The following ECM1 variants were observed in gnomAD, a reference collection of about 807,000 sequenced individuals.
ECM1 encodes extracellular matrix protein 1.
ECM1 carries 54 observed loss-of-function variants against 57.9 expected under a neutral mutation model. The ratio of observed to expected loss-of-function variants is 0.93; its 90% CI spans 0.75 to 1.17. ECM1 has a LOEUF of 1.17. Among genes scored for constraint, ECM1 ranks in the 50% most tolerant of loss-of-function variants. ECM1 has a pLI of 0.00. For synonymous variants in ECM1, 237 were observed against 259.1 expected, an observed-to-expected ratio of 0.91 and a Z score of 0.82; for missense variants, 649 against 688.1, an observed-to-expected ratio of 0.94 and a Z score of 0.64.
chr1:150,509,808 T>C, intron 3 of ECM1, 46 bp downstream of exon 3: 1 of 1,613,844 alleles, frequency 6.2e-7, no homozygotes, highest in Admixed American at 1.7e-5. Flanking sequence ...TCCAGGTTTC[T>C]AATCTGGCCT....
At chr1:150,510,478 A>C in intron 5 of ECM1, 1 of 567,978 alleles carries the variant, frequency 1.8e-6, no homozygotes, top group East Asian at 3.0e-5. Flanking sequence ...TGGCCATCCC[A>C]ACATGGCTTT....
chr1:150,511,148 T>TGCTGCC lies in ECM1; in HGVS notation c.659_664dup (p.Cys221_His222insArgCys), dbSNP rs781705453. On this transcript the variant is annotated inframe_insertion, in exon 6 of 10. Transcript: ENST00000369047. ...TTTCCTGGAGATTGGATATTCCCGC[T>TGCTGCC]GCTGCCACTGCCGCAGCCACACAAA... 2 of 1,614,236 alleles carry TGCTGCC rather than the reference T, an allele frequency of 1.2e-6. No individual in the cohort carries two copies. Among genetic ancestry groups the TGCTGCC allele is most frequent in the African/African-American group, 2.7e-5 (2 of 75,070 alleles).
At chr1:150,510,235 G>C in intron 5 of ECM1, 53 bp downstream of exon 5, 2 of 1,545,288 alleles carry the variant, frequency 1.3e-6, no homozygotes, top group Admixed American at 1.7e-5. Flanking sequence ...CCTTCCCCCA[G>C]AGCATGGGCT....
chr1:150,510,539 T>C, intron 5 of ECM1: 1 of 546,152 alleles, frequency 1.8e-6, no homozygotes, highest in Non-Finnish European at 3.3e-6. Context: ...CAGGAGGAGA[T>C]AATCATCCAT....
At position 150,513,533 on chromosome 1, in the gene ECM1, C is replaced by T. The variant is rs1004772730; in HGVS notation, c.*66C>T. 208 of 1,397,710 alleles carry T rather than the reference C, an allele frequency of 1.5e-4. No individual in the cohort carries two copies. The highest frequency in any genetic ancestry group is 3.3e-4 in the Admixed American group (16 of 48,770). The allele number at this position is 1,397,710 out of a possible 1,614,324, so 86.6% of individuals were successfully genotyped here. ...ACCCTGCCCCACCCATCTGAACACTCATTACACTAAACACCTCTTGGATTT... is the reference window on the plus strand; with the variant it reads ...ACCCTGCCCCACCCATCTGAACACTTATTACACTAAACACCTCTTGGATTT... On this transcript the variant is annotated 3_prime_UTR_variant, in exon 10 of 10. Coordinates refer to ENST00000369047, the MANE Select transcript of ECM1 (RefSeq NM_004425.4).
intron 6 of ECM1, 38 bp downstream of exon 6, chr1:150,511,236 A>G: frequency 6.2e-7 from 1 of 1,611,900 alleles, no homozygotes. Flanking sequence ...GTGTCCTTTA[A>G]CCCCAGACAG....
chr1:150,511,889 C>T lies in ECM1; in HGVS notation c.1083+58C>T. The T allele has an allele frequency of 1.9e-6, 3 of 1,551,920 alleles. No homozygotes were observed. The East Asian group carries it at 6.8e-5, about 35-fold the overall frequency. The stretch of plus-strand genomic sequence containing the variant: ...GTTTGCCTGCCTGCCCATCTTCGAC[C>T]TCTGATCCTGCCAGTCCATCCATCC... On this transcript the variant is annotated intron_variant, in intron 7 of 9. Coordinates refer to ENST00000369047, the MANE Select transcript of ECM1 (RefSeq NM_004425.4).
intron 3 of ECM1, 42 bp downstream of exon 3, chr1:150,509,804 T>C (rs1046079666): frequency 1.7e-5 from 28 of 1,613,316 alleles, no homozygotes; most frequent in Non-Finnish European, 2.4e-5. Context: ...ACCCTCCAGG[T>C]TTCTAATCTG....
rs587732005 is a variant in ECM1, at chr1:150,510,540, A to G, written c.386-336A>G. 513 of 545,502 alleles carry G rather than the reference A, an allele frequency of 9.4e-4. 1 individual carries two copies. Among genetic ancestry groups the G allele is most frequent in the Non-Finnish European group, 1.4e-3 (417 of 304,148 alleles). The allele number at this position is 545,502 out of a possible 1,614,324, so 33.8% of individuals were successfully genotyped here. ...CACCTCTTCCATATCAGGAGGAGAT[A>G]ATCATCCATTCCATGCCGAGAGAGG... On this transcript the variant is annotated intron_variant, in intron 5 of 9. Transcript: ENST00000369047.
At chr1:150,511,227 T>G (rs769486466) in intron 6 of ECM1, 29 bp downstream of exon 6, 1 of 1,612,992 alleles carries the variant, frequency 6.2e-7, no homozygotes, top group Non-Finnish European at 8.5e-7. Flanking sequence ...TGCCGGGGGG[T>G]GTCCTTTAAC....
At chr1:150,508,313 T>A in intron 1 of ECM1, 34 bp downstream of exon 1, 1 of 1,592,388 alleles carries the variant, frequency 6.3e-7, no homozygotes, top group East Asian at 2.2e-5. Context: ...GGAGGGGGTC[T>A]GGGCTTGCAT....
chr1:150,513,612 G>C lies in ECM1; in HGVS notation c.*145G>C. ...ACCCGCAGTGTTTTAAGTGGATCTT[G>C]GTGCCCTGGCCCAGGAGGGCACTGG... On this transcript the variant is annotated 3_prime_UTR_variant, in exon 10 of 10. Transcript: ENST00000369047. 1.2e-6 allele frequency: 1 copy of C among 818,018 alleles called. No individual in the cohort carries two copies. The highest frequency in any genetic ancestry group is 1.9e-6 in the Non-Finnish European group (1 of 528,542). 50.7% of individuals were successfully genotyped at this position (818,018 alleles called of 1,614,324 possible). A position where few individuals can be genotyped will look rare whatever the true frequency, so the allele number is the denominator to read the frequency against.
chr1:150,512,134 G>A (rs985448025), intron 7 of ECM1, among the ~76,000 whole-genome samples: 5 of 150,408 alleles, frequency 3.3e-5, no homozygotes, highest in South Asian at 2.1e-4. Flanking sequence ...CTCATCTCCC[G>A]GCACCAGCTT....
intron 5 of ECM1, 134 bp from the exon 6 acceptor site, chr1:150,510,742 T>G: frequency 1.5e-5 from 14 of 916,950 alleles, no homozygotes; most frequent in Non-Finnish European, 2.5e-5. Flanking sequence ...GAGCCACAAA[T>G]TGTTCTTTCT....
chr1:150,509,136 A>G (rs921181530), intron 1 of ECM1, among the ~76,000 whole-genome samples: 2 of 152,210 alleles, frequency 1.3e-5, no homozygotes, highest in African/African-American at 4.8e-5. Context: ...GTAGGCTCCA[A>G]CCAGCTCAAG....
Position 150,509,532 on chromosome 1 carries a change from C to T in ECM1, c.72C>T (p.Gly24=). ...CTGACTTGCCCTTCTTCCCTCCAGG[C>T]TTCACGGCTACAGGACAGAGGCAGC... The part of the protein sequence containing the change: ...LAVASAASEG[G]FTATGQRQLR... Residue 24 remains glycine (G), a splice_region_variant and synonymous_variant, in exon 2 of 10, where the codon GGC becomes GGT. Transcript: ENST00000369047. 6.2e-7 allele frequency: 1 copy of T among 1,614,188 alleles called. No individual in the cohort carries two copies. The highest frequency in any genetic ancestry group is 8.5e-7 in the Non-Finnish European group (1 of 1,180,038).
rs1187254157 is a variant in ECM1 at position 150,511,541 on chromosome 1, G to T, written c.793G>T (p.Ala265Ser). Residue 265 changes from alanine (A) to serine (S), a missense_variant, in exon 7 of 10, where the codon GCT becomes TCT. By Grantham distance (99) the Ala-to-Ser change is moderately conservative. Coordinates refer to ENST00000369047, the MANE Select transcript of ECM1 (RefSeq NM_004425.4). ...PHWCCTRQGE[A>S]RFSCFQEEAP... ...CTGGTGCTGCACGCGGCAGGGGGAG[G>T]CTCGGTTCTCCTGCTTCCAGGAGGA... 1 of 1,614,184 alleles carries T rather than the reference G, an allele frequency of 6.2e-7. No homozygotes were observed. The highest frequency in any genetic ancestry group is 8.5e-7 in the Non-Finnish European group (1 of 1,180,024).
At chr1:150,510,545 T>C (rs1348110012) in intron 5 of ECM1, 1 of 546,132 alleles carries the variant, frequency 1.8e-6, no homozygotes, top group African/African-American at 1.9e-5. Context: ...GAGATAATCA[T>C]CCATTCCATG....
rs746196227 is a variant in ECM1, at chr1:150,512,581, C to A, written c.1304+9C>A. On this transcript the variant is annotated intron_variant, in intron 8 of 9. Coordinates refer to ENST00000369047, the MANE Select transcript of ECM1 (RefSeq NM_004425.4). Reference sequence around the variant, plus strand: ...AGAGTTCTCACCAAGCAGTAAGTTGCCTAGTCCTTCCCCACTCTCTTCCTT... The same window carrying A: ...AGAGTTCTCACCAAGCAGTAAGTTGACTAGTCCTTCCCCACTCTCTTCCTT... The A allele has an allele frequency of 6.2e-7, 1 of 1,613,160 alleles. No homozygotes were observed. Among genetic ancestry groups the A allele is most frequent in the Non-Finnish European group, 8.5e-7 (1 of 1,179,882 alleles).
Sources: gnomAD v4.1 joint callset for allele counts (sites outside exome capture counted in the v4.1 genomes callset) on GRCh38, gnomAD v4.1.1 for gene constraint, MANE v1.5 for transcripts, NCBI Gene and HGNC (gene_info 2026-07-23, HGNC 2026-07-21) for gene names.